HEPH: variants seen among roughly 807,000 people sequenced by gnomAD.
The protein encoded by HEPH is hephaestin.
In HEPH, 69 loss-of-function variants were observed where a neutral mutation model predicts 80.8. The ratio of observed to expected loss-of-function variants is 0.85; its 90% CI spans 0.70 to 1.04. The LOEUF (loss-of-function observed/expected upper bound fraction) is 1.04, where lower values mean the gene tolerates loss of function less well. Among genes scored for constraint, HEPH ranks in the 50% least tolerant of loss-of-function variants. The pLI is 0.00. For missense variants in HEPH, 1,115 were observed against 891.3 expected (o/e 1.25, Z -3.20); for synonymous variants, 431 against 322.8 (o/e 1.34, Z -3.60).
At position 66,260,262 on chromosome X, in the gene HEPH, G is replaced by A. The variant is rs370088953; in HGVS notation, c.3199G>A (p.Glu1067Lys). Residue 1067 changes from glutamate (E) to lysine (K), a missense_variant and splice_region_variant, in exon 19 of 21, where the codon GAA becomes AAA. Glu to Lys is a moderately conservative substitution (Grantham distance 56). Coordinates refer to ENST00000343002, the MANE Select transcript of HEPH (RefSeq NM_001367233.3). The stretch of plus-strand genomic sequence containing the variant: ...CCTCTTCACTGTTTTTTCTCGAACA[G>A]GTAAGTCCTAACTTCCCCAAAATGA... ...ETLFTVFSRT[E>K]HLSPLTVITK... is the part of the protein sequence containing the mutation. 6 of 1,198,781 alleles carry A rather than the reference G, an allele frequency of 5.0e-6. No individual in the cohort carries two copies. In the African/African-American group the frequency reaches 7.1e-5, roughly 14 times the overall value.
chrX:66,173,264 G>A (rs1424222083), intron 3 of HEPH, among the ~76,000 whole-genome samples: 2 of 111,973 alleles, frequency 1.8e-5, no homozygotes, highest in African/African-American at 6.5e-5. Flanking sequence ...TGAAGGGAGG[G>A]AATTCTGTCT....
At chrX:66,206,479 C>A (rs1238497000) in intron 13 of HEPH, among the ~76,000 whole-genome samples, 1 of 100,735 alleles carries the variant, frequency 9.9e-6, no homozygotes, top group Non-Finnish European at 2.0e-5. Flanking sequence ...TCTTGTGCCT[C>A]AGCCACCCAA....
Position 66,203,351 on chromosome X carries a change from G to C in HEPH, c.2078-13G>C. The C allele has an allele frequency of 1.7e-6, 2 of 1,204,715 alleles. No individual in the cohort carries two copies. Among genetic ancestry groups the C allele is most frequent in the Non-Finnish European group, 2.2e-6 (2 of 890,933 alleles). On this transcript the variant is annotated splice_polypyrimidine_tract_variant and intron_variant, in intron 12 of 20. Transcript: ENST00000343002. ...TGTTCTGAGTCAGATTTTTCTCTCT[G>C]ATCCTCCCTCAGGGACATTTGAGAT...
chrX:66,232,545 G>A (rs753105247), intron 15 of HEPH, among the ~76,000 whole-genome samples: 1 of 111,031 alleles, frequency 9.0e-6, no homozygotes, highest in South Asian at 3.8e-4. Flanking sequence ...TCCTAGTGTA[G>A]TATTAGTATT....
intron 15 of HEPH, among the ~76,000 whole-genome samples, chrX:66,213,240 T>C (rs1444334394): frequency 9.3e-6 from 1 of 107,682 alleles, no homozygotes; most frequent in Admixed American, 1.0e-4. Flanking sequence ...TGTGTCCATG[T>C]GTTCTCATTG....
chrX:66,204,559 T>G (rs1287972824), intron 13 of HEPH, among the ~76,000 whole-genome samples: 2 of 112,637 alleles, frequency 1.8e-5, no homozygotes, highest in Non-Finnish European at 3.8e-5. Context: ...CTAAGTTTTC[T>G]GTAAACAGAA....
chrX:66,172,671 G>A, intron 3 of HEPH, 72 bp downstream of exon 3: 2 of 1,012,374 alleles, frequency 2.0e-6, no homozygotes, highest in Non-Finnish European at 2.6e-6. Context: ...AGGTGAAGGA[G>A]AAGAACTGGT....
At position 66,256,189 on chromosome X, in the gene HEPH, C is replaced by A; in HGVS notation, c.2755C>A (p.Arg919=). ...CCATGGAGGACGGAGTGACATGGAT[C>A]GGGAATTTGCATTGTTGTTCTTGAT... ...EPHGGRSDMD[R]EFALLFLIFD... The change falls in exon 17 of 21, where the codon CGG becomes AGG. Residue 919 remains arginine, a synonymous_variant. Transcript: ENST00000343002. 8.3e-7 allele frequency: 1 copy of A among 1,210,998 alleles called. No homozygotes were observed. Among genetic ancestry groups the A allele is most frequent in the Non-Finnish European group, 1.1e-6 (1 of 894,970 alleles).
At chrX:66,224,397 G>A (rs2089790735) in intron 15 of HEPH, among the ~76,000 whole-genome samples, 2 of 110,051 alleles carry the variant, frequency 1.8e-5, no homozygotes, top group Admixed American at 9.7e-5. Flanking sequence ...TCCTAGGTCT[G>A]GTTGGAACTT....
intron 15 of HEPH, among the ~76,000 whole-genome samples, chrX:66,232,296 A>G (rs60406733): frequency 0.052 from 5,809 of 111,116 alleles, 420 homozygotes; most frequent in African/African-American, 0.18. Context: ...GCCTCATAAA[A>G]TGAGTTAGGG....
At chrX:66,263,986 T>G (rs1239725349) in intron 20 of HEPH, among the ~76,000 whole-genome samples, 1 of 110,515 alleles carries the variant, frequency 9.0e-6, no homozygotes, top group African/African-American at 3.3e-5. Context: ...GGAAGTAAAT[T>G]CTAGATACTA....
At position 66,207,231 on chromosome X, in the gene HEPH, C is replaced by T. The variant is rs750326232; in HGVS notation, c.2328C>T (p.Leu776=). 6.6e-5 allele frequency: 79 copies of T among 1,203,748 alleles called. No individual in the cohort carries two copies. The highest frequency in any genetic ancestry group is 8.6e-5 in the Non-Finnish European group (77 of 892,140). ...GYIFLSNKDG[L]LGSRYKKAVF... is the part of the protein sequence containing the mutation. ...TTTTCCTGAGCAACAAGGATGGGCT[C>T]CTGGGTTCCAGATACAAGAAAGCTG... is the stretch of plus-strand genomic sequence containing the variant. The change falls in exon 14 of 21, where the codon CTC becomes CTT. Residue 776 remains leucine, a synonymous_variant. Transcript: ENST00000343002.
At chrX:66,192,981 G>T (rs1277141773) in intron 7 of HEPH, among the ~76,000 whole-genome samples, 1 of 111,230 alleles carries the variant, frequency 9.0e-6, no homozygotes, top group African/African-American at 3.3e-5. Context: ...ATCCTTCATG[G>T]TTATACTTCT....
intron 1 of HEPH, among the ~76,000 whole-genome samples, chrX:66,165,495 A>AG (rs761457863): frequency 9.0e-6 from 1 of 111,659 alleles, no homozygotes; most frequent in South Asian, 3.8e-4. Flanking sequence ...GAGCCTGTCT[A>AG]GCCCAAAGTA....
intron 6 of HEPH, 152 bp from the exon 7 acceptor site, chrX:66,191,978 T>C: frequency 4.2e-6 from 2 of 477,648 alleles, no homozygotes; most frequent in Middle Eastern, 6.2e-4. Context: ...CCATGCACTT[T>C]AAGAGTGAGA....
chrX:66,264,695 G>T (rs1298045626), intron 20 of HEPH, among the ~76,000 whole-genome samples: 1 of 108,211 alleles, frequency 9.2e-6, no homozygotes. Context: ...GTTAACCAGG[G>T]GACCAGGATA....
chrX:66,266,169 T>C (rs1250325004), intron 20 of HEPH, among the ~76,000 whole-genome samples: 5 of 110,929 alleles, frequency 4.5e-5, no homozygotes, highest in Non-Finnish European at 5.7e-5. Flanking sequence ...TTTGAGAACA[T>C]GTATCAAGGG....
At chrX:66,195,300 G>A in intron 9 of HEPH, 71 bp downstream of exon 9, 1 of 884,501 alleles carries the variant, frequency 1.1e-6, no homozygotes. Context: ...ACAAATAAAT[G>A]GGAGATGGAG....
chrX:66,207,178 T>C lies in HEPH; in HGVS notation c.2292-17T>C. 1 of 1,196,757 alleles carries C rather than the reference T, an allele frequency of 8.4e-7. No individual in the cohort carries two copies. The highest frequency in any genetic ancestry group is 2.3e-4 in the Middle Eastern group (1 of 4,256). ...GTTGATGGCCAGGTGCTGATAGTAC[T>C]CTTTGGATTCCTCTAGTTATGGTTA... On this transcript the variant is annotated splice_polypyrimidine_tract_variant and intron_variant, in intron 13 of 20. Coordinates refer to ENST00000343002, the MANE Select transcript of HEPH (RefSeq NM_001367233.3).
Sources: allele counts gnomAD v4.1 joint callset (sites outside exome capture counted in the v4.1 genomes callset), GRCh38; gene constraint gnomAD v4.1.1; transcripts MANE v1.5; gene names NCBI Gene and HGNC (gene_info 2026-07-23, HGNC 2026-07-21).